The following MSL3 variants were observed in gnomAD, a reference collection of about 807,000 sequenced individuals.
MSL3 encodes the protein MSL complex subunit 3.
In MSL3, 5 loss-of-function variants were observed where a neutral mutation model predicts 37.2. The observed-to-expected ratio is 0.13, with a 90% CI of 0.07 to 0.28. The LOEUF is 0.28. MSL3 is among the 10% of genes least tolerant of loss of function. MSL3 has a pLI of 1.00. For missense variants in MSL3, 315 were observed against 408.5 expected (o/e 0.77, Z 1.97); for synonymous variants, 149 against 147.6 (o/e 1.01, Z -0.07).
At chrX:11,759,515 GTC>G in intron 1 of MSL3, 3 of 786,227 alleles carry the variant, frequency 3.8e-6, no homozygotes, top group Non-Finnish European at 4.9e-6. Flanking sequence ...CTAGCCTGGA[GTC>G]TCTCCTTAGT....
intron 6 of MSL3, 38 bp from the exon 7 acceptor site, chrX:11,762,799 A>G (rs1421108140): frequency 8.7e-7 from 1 of 1,146,264 alleles, no homozygotes; most frequent in Admixed American, 2.4e-5. Context: ...TTGTTACATT[A>G]GGATGCATAC....
At chrX:11,773,939 C>A (rs1202724094) in intron 12 of MSL3, among the ~76,000 whole-genome samples, 1 of 112,136 alleles carries the variant, frequency 8.9e-6, no homozygotes, top group Non-Finnish European at 1.9e-5. Context: ...AGAAGGTTTG[C>A]ACATTTTTAG....
At chrX:11,758,442 C>T in intron 1 of MSL3, 77 bp downstream of exon 1, 1 of 935,153 alleles carries the variant, frequency 1.1e-6, no homozygotes, top group Middle Eastern at 4.4e-4. Flanking sequence ...GGCGGACGGC[C>T]GCGCGGAGCT....
intron 9 of MSL3, chrX:11,767,896 T>C (rs1400419542): frequency 2.7e-6 from 2 of 753,137 alleles, no homozygotes; most frequent in African/African-American, 4.6e-5. Flanking sequence ...TGATTGAAGA[T>C]TGAAAAGGGT....
At chrX:11,764,174 G>A (rs1209385648) in intron 8 of MSL3, 4 of 282,217 alleles carry the variant, frequency 1.4e-5, no homozygotes, top group Non-Finnish European at 2.5e-5. Context: ...AACTTAGGTG[G>A]GATGATGAGC....
At chrX:11,772,393 CAAAG>C (rs1227292985) in intron 11 of MSL3, 138 bp downstream of exon 11, 29 of 511,503 alleles carry the variant, frequency 5.7e-5, no homozygotes, top group Non-Finnish European at 6.7e-5. Flanking sequence ...AGTAATCTAT[CAAAG>C]AAAAGGCATT....
intron 10 of MSL3, chrX:11,769,136 A>G (rs190856023): frequency 8.8e-6 from 1 of 113,646 alleles, no homozygotes; most frequent in Non-Finnish European, 1.8e-5. Flanking sequence ...GTGTTTGAAA[A>G]TTTTTTTTGT....
In MSL3 at chrX:11,762,309, G is replaced by GT. The variant is rs753033055; in HGVS notation, c.588+60dup. On this transcript the variant is annotated intron_variant, in intron 6 of 12. Transcript: ENST00000312196. ...TGTTTGGCATTTTCATTTTGCCATA[G>GT]TTTGCAATCATAGACGTAAGCAATA... 1.1e-4 allele frequency: 115 copies of GT among 1,030,891 alleles called. No homozygotes were observed. The East Asian group carries it at 3.8e-3, about 34-fold the overall frequency. The allele number at this position is 1,030,891 out of a possible 1,213,427, so 85.0% of individuals were successfully genotyped here. A position where few individuals can be genotyped will look rare whatever the true frequency, so the allele number is the denominator to read the frequency against.
chrX:11,763,140 T>C, intron 7 of MSL3, 143 bp downstream of exon 7: 3 of 523,420 alleles, frequency 5.7e-6, no homozygotes, highest in South Asian at 1.1e-4. Flanking sequence ...CATTGAATCA[T>C]CTAATATTAA....
chrX:11,772,296 T>C (rs2053239272), intron 11 of MSL3, 41 bp downstream of exon 11: 1 of 1,045,280 alleles, frequency 9.6e-7, no homozygotes. Context: ...TTTTTCATTT[T>C]GTATTCTCTT....
chrX:11,760,902 T>C lies in MSL3; in HGVS notation c.347T>C (p.Leu116Pro), dbSNP rs764860597. The C allele has an allele frequency of 5.8e-6, 7 of 1,199,856 alleles. No individual in the cohort carries two copies. In the South Asian group the frequency reaches 1.3e-4, roughly 22 times the overall value. The stretch of plus-strand genomic sequence containing the variant: ...GGTGTGGACTCTGTCTTAAAAGGCC[T>C]CCCCACTGAAGAAAAAGATGAAAAT... Reference protein sequence around the residue: ...LPGVDSVLKGLPTEEKDENDE... With the variant: ...LPGVDSVLKGPPTEEKDENDE... The change falls in exon 4 of 13, where the codon CTC (leucine) becomes CCC (proline). Residue 116 changes from leucine (L) to proline (P), a missense_variant. By Grantham distance (98) the Leu-to-Pro change is moderately conservative. Coordinates refer to ENST00000312196, the MANE Select transcript of MSL3 (RefSeq NM_078629.4).
intron 7 of MSL3, among the ~76,000 whole-genome samples, chrX:11,763,246 GT>G (rs1446162970): frequency 8.8e-6 from 1 of 113,215 alleles, no homozygotes; most frequent in Non-Finnish European, 1.9e-5. Flanking sequence ...CACTGAGACA[GT>G]TTTTTCAGTG....
chrX:11,758,740 G>A, intron 1 of MSL3: 1 of 1,167,015 alleles, frequency 8.6e-7, no homozygotes, highest in Admixed American at 2.6e-5. Context: ...GTGCCGGGTG[G>A]GCTCCTGTGG....
intron 9 of MSL3, 192 bp downstream of exon 9, chrX:11,765,921 A>G: frequency 9.2e-7 from 1 of 1,087,944 alleles, no homozygotes; most frequent in Non-Finnish European, 1.2e-6. Flanking sequence ...ATTGCAGCGC[A>G]GCTGTGTTGG....
intron 5 of MSL3, among the ~76,000 whole-genome samples, 188 bp downstream of exon 5, chrX:11,761,770 C>T (rs973268202): frequency 8.9e-6 from 1 of 112,027 alleles, no homozygotes; most frequent in Non-Finnish European, 1.9e-5. Context: ...CTCTCAGTGG[C>T]TCTTTATGCC....
Position 11,772,570 on chromosome X carries a change from A to G in MSL3, c.1382-51A>G, listed in dbSNP as rs752867044. ...GACCTTCCCTGAGTGAATCCTATGC[A>G]TTGTCAGATTCTGCTAATTGTAAAT... On this transcript the variant is annotated intron_variant, in intron 11 of 12. Transcript: ENST00000312196. 8 of 879,679 alleles carry G rather than the reference A, an allele frequency of 9.1e-6. No individual in the cohort carries two copies. In the Admixed American group the frequency reaches 1.9e-4, roughly 20 times the overall value. 72.5% of individuals were successfully genotyped at this position (879,679 alleles called of 1,213,427 possible). A position where few individuals can be genotyped will look rare whatever the true frequency, so the allele number is the denominator to read the frequency against.
chrX:11,775,176 G>T lies in MSL3; in HGVS notation c.*97G>T. 2 of 586,142 alleles carry T rather than the reference G, an allele frequency of 3.4e-6. No homozygotes were observed. Among genetic ancestry groups the T allele is most frequent in the Admixed American group, 5.9e-5 (2 of 33,616 alleles). 48.3% of individuals were successfully genotyped at this position (586,142 alleles called of 1,213,427 possible). ...AAGGTGGTGGGTCTTTACCCACAGC[G>T]CAAACACAATGCCCACCTTGGGGCT... On this transcript the variant is annotated 3_prime_UTR_variant, in exon 13 of 13. Transcript: ENST00000312196.
At chrX:11,764,434 G>A (rs918915751) in intron 8 of MSL3, among the ~76,000 whole-genome samples, 3 of 111,029 alleles carry the variant, frequency 2.7e-5, no homozygotes, top group African/African-American at 9.8e-5. Context: ...TTCTCTTCTT[G>A]CTCTGCGATG....
chrX:11,758,195 CCCGCCCGCCCTCCCCCACCGCGCGCGCT>C, upstream of MSL3: 4 of 172,766 alleles, frequency 2.3e-5, no homozygotes, highest in African/African-American at 3.1e-5. Flanking sequence ...CCTCCCCGCC[CCCGCCCGCCCTCCCCCACCGCGCGCGCT>C]CCGCCCGCCC....
Sources: allele counts gnomAD v4.1 joint callset (sites outside exome capture counted in the v4.1 genomes callset), GRCh38; gene constraint gnomAD v4.1.1; transcripts MANE v1.5; gene names NCBI Gene and HGNC (gene_info 2026-07-23, HGNC 2026-07-21).